TET1: variants seen among roughly 807,000 people sequenced by gnomAD.
TET1 encodes tet methylcytosine dioxygenase 1, also known as methylcytosine dioxygenase TET1.
In TET1, 13 loss-of-function variants were observed where a neutral mutation model predicts 148.7. That is an observed-to-expected ratio of 0.09 (90% CI 0.06 to 0.14). The LOEUF is 0.14. Among genes scored for constraint, TET1 ranks in the 10% least tolerant of loss-of-function variants. TET1 has a pLI of 1.00. For synonymous variants in TET1, 907 were observed against 937.2 expected (o/e 0.97, Z 0.59); for missense variants, 2,182 against 2,553.8 (o/e 0.85, Z 3.14).
chr10:68,620,747 C>G (rs994984175), intron 3 of TET1, among the ~76,000 whole-genome samples: 21 of 152,184 alleles, frequency 1.4e-4, no homozygotes, highest in Non-Finnish European at 2.9e-5. Context: ...GAGCCACTGC[C>G]AGACCTTTCC....
chr10:68,642,169 T>C (rs1430389125), intron 3 of TET1, among the ~76,000 whole-genome samples: 1 of 152,210 alleles, frequency 6.6e-6, no homozygotes, highest in African/African-American at 2.4e-5. Context: ...AAAATTAGTC[T>C]GTAGTCCCAG....
At chr10:68,688,733 C>T (rs555498427) in intron 11 of TET1, among the ~76,000 whole-genome samples, 10 of 152,196 alleles carry the variant, frequency 6.6e-5, no homozygotes, top group African/African-American at 2.2e-4. Flanking sequence ...CCACCGTGCC[C>T]GGCCTACTTT....
intron 2 of TET1, among the ~76,000 whole-genome samples, chr10:68,589,769 T>G (rs1274786844): frequency 6.6e-6 from 1 of 150,462 alleles, no homozygotes; most frequent in African/African-American, 2.5e-5. Context: ...CCTCTTGGGT[T>G]CAAGCAATTC....
In TET1 at chr10:68,681,599, G is replaced by A; in HGVS notation, c.4914+111G>A. The A allele has an allele frequency of 9.7e-6, 6 of 618,584 alleles. No individual in the cohort carries two copies. The South Asian group carries it at 1.2e-4, about 12-fold the overall frequency. The allele number at this position is 618,584 out of a possible 1,614,324, so 38.3% of individuals were successfully genotyped here. A position where few individuals can be genotyped will look rare whatever the true frequency, so the allele number is the denominator to read the frequency against. On this transcript the variant is annotated intron_variant, in intron 9 of 11. Transcript: ENST00000373644. Reference sequence around the variant, plus strand: ...ATCAAAGCTTACTACAAACTCCTAAGCTCAAGCAATGCTCCTGCCTCACCC... The same window carrying A: ...ATCAAAGCTTACTACAAACTCCTAAACTCAAGCAATGCTCCTGCCTCACCC...
chr10:68,673,053 T>C lies in TET1; in HGVS notation c.4824+8T>C, dbSNP rs2055296367. 1.9e-6 allele frequency: 3 copies of C among 1,594,810 alleles called. No individual in the cohort carries two copies. In the East Asian group the frequency reaches 6.7e-5, roughly 36 times the overall value. ...CCAAGCTCTCCCTTACATGTAAGTG[T>C]CCTTCTTTATTCAAATAATTTATTT... On this transcript the variant is annotated splice_region_variant and intron_variant, in intron 8 of 11. Coordinates refer to ENST00000373644, the MANE Select transcript of TET1 (RefSeq NM_030625.3).
At chr10:68,592,187 G>A (rs1379081846) in intron 2 of TET1, among the ~76,000 whole-genome samples, 37 of 151,856 alleles carry the variant, frequency 2.4e-4, no homozygotes, top group African/African-American at 8.4e-4. Flanking sequence ...ATGGTGGCGG[G>A]CGCCTGTAAT....
chr10:68,650,012 A>G (rs530954283), intron 4 of TET1, among the ~76,000 whole-genome samples: 17 of 152,318 alleles, frequency 1.1e-4, no homozygotes, highest in Middle Eastern at 3.4e-3. Context: ...TACCATCCAT[A>G]TCTGAGGGTA....
At chr10:68,683,065 A>G in intron 10 of TET1, 92 bp downstream of exon 10, 1 of 1,405,472 alleles carries the variant, frequency 7.1e-7, no homozygotes, top group Non-Finnish European at 9.6e-7. Context: ...TATTACTGTG[A>G]AAAATCTTAA....
At chr10:68,585,315 A>G (rs1364266634) in intron 2 of TET1, among the ~76,000 whole-genome samples, 1 of 151,774 alleles carries the variant, frequency 6.6e-6, no homozygotes, top group African/African-American at 2.4e-5. Context: ...TGTGTTTTTA[A>G]TAGAGACGTG....
rs746603164 is a variant in TET1 at position 68,645,643 on chromosome 10, G to T, written c.2914G>T (p.Gly972Trp). Residue 972 changes from glycine (G) to tryptophan (W), a missense_variant, in exon 4 of 12, where the codon GGG (glycine) becomes TGG (tryptophan). Physicochemically the swap from Gly to Trp is radical, Grantham distance 184. This residue lies in a region of TET1 where 582 missense variants were observed against 599.5 expected (regional missense o/e 0.97). Coordinates refer to ENST00000373644, the MANE Select transcript of TET1 (RefSeq NM_030625.3). ...QSSCNTVVFN[G>W]QTTTLSNSHI... ...TTCATGCAACACGGTGGTTTTCAAT[G>T]GGCAAACTACTACCCTTTCCAACTC... 131 of 1,613,980 alleles carry T rather than the reference G, an allele frequency of 8.1e-5. No individual in the cohort carries two copies. Among genetic ancestry groups the T allele is most frequent in the Middle Eastern group, 3.3e-4 (2 of 6,084 alleles).
At chr10:68,678,007 C>A (rs779946779) in intron 8 of TET1, among the ~76,000 whole-genome samples, 8 of 151,462 alleles carry the variant, frequency 5.3e-5, no homozygotes, top group Non-Finnish European at 8.8e-5. Context: ...GGAGGCCACC[C>A]ACCTCGGCCT....
intron 2 of TET1, 37 bp downstream of exon 2, chr10:68,574,289 A>T: frequency 6.5e-7 from 1 of 1,548,962 alleles, no homozygotes; most frequent in Non-Finnish European, 8.8e-7. Flanking sequence ...GACAGCTGAC[A>T]CTTGGTATAG....
rs1319571773 is a variant in TET1 at position 68,572,945 on chromosome 10, A to G, written c.607A>G (p.Ile203Val). The change falls in exon 2 of 12, where the codon ATC (isoleucine) becomes GTC (valine). Residue 203 changes from isoleucine to valine, a missense_variant. Transcript: ENST00000373644. ...AAGAGTTGAGGATTCCAAGATCAAT[A>G]TCCCTACCCACAGTGGCCCTGCAGC... Reference protein sequence around the residue: ...SQRVEDSKINIPTHSGPAAEI... With the variant: ...SQRVEDSKINVPTHSGPAAEI... 1.2e-6 allele frequency: 2 copies of G among 1,614,156 alleles called. No homozygotes were observed. Among genetic ancestry groups the G allele is most frequent in the East Asian group, 2.2e-5 (1 of 44,880 alleles).
intron 6 of TET1, among the ~76,000 whole-genome samples, chr10:68,662,763 C>T (rs188290015): frequency 2.0e-5 from 3 of 152,224 alleles, no homozygotes; most frequent in Admixed American, 1.3e-4. Flanking sequence ...AGTAGCCAAG[C>T]ACGGTGGCAA....
At chr10:68,575,301 T>C (rs1424667067) in intron 2 of TET1, among the ~76,000 whole-genome samples, 1 of 152,052 alleles carries the variant, frequency 6.6e-6, no homozygotes, top group East Asian at 1.9e-4. Flanking sequence ...GGAAAATCAC[T>C]TGAACCCAGG....
At chr10:68,634,659 T>A (rs1006760781) in intron 3 of TET1, among the ~76,000 whole-genome samples, 1 of 152,184 alleles carries the variant, frequency 6.6e-6, no homozygotes, top group African/African-American at 2.4e-5. Flanking sequence ...TATTACTTAG[T>A]GGGAGATGCA....
At chr10:68,593,509 T>C (rs1340155122) in intron 2 of TET1, among the ~76,000 whole-genome samples, 1 of 150,988 alleles carries the variant, frequency 6.6e-6, no homozygotes, top group African/African-American at 2.4e-5. Context: ...GTGGCAGCAT[T>C]TTGGCTCACT....
intron 2 of TET1, among the ~76,000 whole-genome samples, chr10:68,594,371 G>T (rs534588562): frequency 6.6e-6 from 1 of 152,312 alleles, no homozygotes; most frequent in South Asian, 2.1e-4. Context: ...GTTTGTCTCA[G>T]TTGGTAACTG....
intron 3 of TET1, among the ~76,000 whole-genome samples, chr10:68,611,338 G>A (rs1450692538): frequency 6.6e-6 from 1 of 151,786 alleles, no homozygotes; most frequent in African/African-American, 2.4e-5. Flanking sequence ...TCAGTCAGGT[G>A]CAGTAGCACA....
Sources: allele counts gnomAD v4.1 joint callset (sites outside exome capture counted in the v4.1 genomes callset), GRCh38; gene constraint gnomAD v4.1.1; regional missense constraint gnomAD v4.1.1; transcripts MANE v1.5; gene names NCBI Gene and HGNC (gene_info 2026-07-23, HGNC 2026-07-21).